CDH13: variants seen among roughly 807,000 people sequenced by gnomAD.
The protein encoded by CDH13 is cadherin-13.
Under a neutral mutation model 63.8 loss-of-function variants are expected in CDH13, and 24 were observed. The observed-to-expected ratio is 0.38, with a 90% CI of 0.27 to 0.53. CDH13 has a LOEUF of 0.53. Ranked by LOEUF, CDH13 falls within the 20% of genes least tolerant of loss-of-function variation. The pLI, the probability that CDH13 is intolerant of heterozygous loss-of-function variation, is 0.85. For missense variants in CDH13, 1,049 were observed against 903.1 expected (o/e 1.16, Z -2.07); for synonymous variants, 503 against 355.3 (o/e 1.42, Z -4.67).
chr16:83,071,513 C>T (rs1470107575), intron 3 of CDH13, among the ~76,000 whole-genome samples: 3 of 152,162 alleles, frequency 2.0e-5, no homozygotes, highest in Admixed American at 6.5e-5. Context: ...AGGAGAGCAA[C>T]GTCTGCCCTC....
At chr16:82,935,119 A>G (rs1597245969) in intron 2 of CDH13, among the ~76,000 whole-genome samples, 1 of 152,130 alleles carries the variant, frequency 6.6e-6, no homozygotes, top group East Asian at 1.9e-4. Flanking sequence ...GGTTTAATTG[A>G]CTCACAGTTT....
chr16:83,690,562 G>C (rs1335079532), intron 10 of CDH13, among the ~76,000 whole-genome samples: 1 of 152,156 alleles, frequency 6.6e-6, no homozygotes, highest in Non-Finnish European at 1.5e-5. Context: ...AAGCATGCTA[G>C]TGGGATTAGG....
intron 2 of CDH13, among the ~76,000 whole-genome samples, chr16:83,007,338 G>C (rs1239185637): frequency 6.6e-6 from 1 of 152,152 alleles, no homozygotes; most frequent in African/African-American, 2.4e-5. Flanking sequence ...TATAATCCAT[G>C]AATTATATAT....
At chr16:83,073,087 C>A (rs72796241) in intron 3 of CDH13, among the ~76,000 whole-genome samples, 1 of 151,974 alleles carries the variant, frequency 6.6e-6, no homozygotes, top group South Asian at 2.1e-4. Context: ...ACGAACTCCT[C>A]GTGACAACCT....
At chr16:82,635,888 C>T (rs1908593500) in intron 1 of CDH13, among the ~76,000 whole-genome samples, 1 of 152,016 alleles carries the variant, frequency 6.6e-6, no homozygotes, top group Non-Finnish European at 1.5e-5. Flanking sequence ...TATAGCACTT[C>T]CCCCTTTGCG....
intron 5 of CDH13, among the ~76,000 whole-genome samples, chr16:83,331,191 G>C (rs2090473392): frequency 6.6e-6 from 1 of 152,126 alleles, no homozygotes; most frequent in African/African-American, 2.4e-5. Flanking sequence ...AATCTCAGCT[G>C]TTTTCTAGTT....
intron 2 of CDH13, among the ~76,000 whole-genome samples, chr16:82,966,488 A>T (rs1907853402): frequency 6.6e-6 from 1 of 152,176 alleles, no homozygotes; most frequent in African/African-American, 2.4e-5. Context: ...AGGCTCAGAG[A>T]TGCTAAATAA....
At chr16:83,525,474 C>G (rs777582442) in intron 7 of CDH13, among the ~76,000 whole-genome samples, 1 of 152,232 alleles carries the variant, frequency 6.6e-6, no homozygotes, top group Non-Finnish European at 1.5e-5. Flanking sequence ...CTATGTTATA[C>G]TGACTTGGTT....
intron 8 of CDH13, among the ~76,000 whole-genome samples, chr16:83,663,623 A>T (rs537349282): frequency 2.6e-5 from 4 of 152,278 alleles, no homozygotes; most frequent in Admixed American, 2.0e-4. Context: ...GGAAGCAGAG[A>T]CATGACTCCG....
intron 4 of CDH13, among the ~76,000 whole-genome samples, chr16:83,196,653 G>T (rs1054300803): frequency 6.6e-6 from 1 of 152,100 alleles, no homozygotes; most frequent in Non-Finnish European, 1.5e-5. Context: ...TTCAGCAAAG[G>T]GGATATGAGG....
intron 5 of CDH13, among the ~76,000 whole-genome samples, chr16:83,245,296 G>A (rs895861553): frequency 1.3e-5 from 2 of 152,118 alleles, no homozygotes; most frequent in Admixed American, 6.6e-5. Context: ...AGTTCTCGTG[G>A]GGAAATGACA....
intron 2 of CDH13, among the ~76,000 whole-genome samples, chr16:82,932,589 C>T (rs892460456): frequency 1.3e-5 from 2 of 152,172 alleles, no homozygotes; most frequent in Non-Finnish European, 2.9e-5. Context: ...GAGGTAGACT[C>T]AAGATCAGGT....
At chr16:83,509,003 G>T (rs993688156) in intron 7 of CDH13, among the ~76,000 whole-genome samples, 18 of 152,190 alleles carry the variant, frequency 1.2e-4, no homozygotes, top group African/African-American at 3.6e-4. Context: ...ATGAGTGCCT[G>T]TGGGGTCTGC....
chr16:83,772,622 A>G (rs750666471), intron 11 of CDH13, among the ~76,000 whole-genome samples: 4 of 152,228 alleles, frequency 2.6e-5, no homozygotes, highest in African/African-American at 4.8e-5. Context: ...TTGTTCTACA[A>G]ATTAAAATCA....
At chr16:82,908,118 C>T (rs1464529494) in intron 2 of CDH13, among the ~76,000 whole-genome samples, 1 of 151,852 alleles carries the variant, frequency 6.6e-6, no homozygotes, top group Non-Finnish European at 1.5e-5. Context: ...AGAGAAGAAG[C>T]TTGAGGAAAG....
At chr16:83,561,069 CAAACCAAT>C (rs2075696786) in intron 7 of CDH13, among the ~76,000 whole-genome samples, 4 of 152,140 alleles carry the variant, frequency 2.6e-5, no homozygotes, top group Non-Finnish European at 5.9e-5. Flanking sequence ...CTGTGACTCC[CAAACCAAT>C]AAACCATTTT....
chr16:82,823,031 C>T (rs565391533), intron 1 of CDH13, among the ~76,000 whole-genome samples: 24 of 152,274 alleles, frequency 1.6e-4, no homozygotes, highest in African/African-American at 4.8e-4. Context: ...GCTGCCTTGA[C>T]ATCTCTCTAT....
chr16:83,320,685 A>T (rs1249492070), intron 5 of CDH13, among the ~76,000 whole-genome samples: 1 of 152,168 alleles, frequency 6.6e-6, no homozygotes, highest in East Asian at 1.9e-4. Flanking sequence ...TCAAAAAAGG[A>T]GGAAATCGGG....
At chr16:82,678,980 C>A (rs559683601) in intron 1 of CDH13, among the ~76,000 whole-genome samples, 1 of 152,270 alleles carries the variant, frequency 6.6e-6, no homozygotes, top group South Asian at 2.1e-4. Context: ...AAAGACAGCA[C>A]ACTCAAGGGA....
Sources: allele counts gnomAD v4.1 joint callset (sites outside exome capture counted in the v4.1 genomes callset), GRCh38; gene constraint gnomAD v4.1.1; transcripts MANE v1.5; gene names NCBI Gene and HGNC (gene_info 2026-07-23, HGNC 2026-07-21).